Variants in LTBP1 observed in about 807,000 individuals in gnomAD.
The protein encoded by LTBP1 is latent transforming growth factor beta binding protein 1.
LTBP1 carries 129 observed loss-of-function variants against 207.6 expected under a neutral mutation model. The ratio of observed to expected loss-of-function variants is 0.62; its 90% confidence interval spans 0.54 to 0.72. The LOEUF (loss-of-function observed/expected upper bound fraction) is 0.72. Among genes scored for constraint, LTBP1 ranks in the 30% least tolerant of loss-of-function variants. The pLI, the probability that LTBP1 is intolerant of heterozygous loss-of-function variation, is 0.00. For missense variants in LTBP1, 2,281 were observed against 2,217.2 expected (o/e 1.03, Z -0.58); for synonymous variants, 963 against 833.7 (o/e 1.16, Z -2.67).
At chr2:33,085,764 G>C in intron 3 of LTBP1, among the ~76,000 whole-genome samples, 1 of 152,206 alleles carries the variant, frequency 6.6e-6, no homozygotes, top group East Asian at 1.9e-4. Flanking sequence ...TGTGTTCTTA[G>C]CTATGTTGCT....
chr2:33,346,286 A>T (rs1409684719), intron 25 of LTBP1, among the ~76,000 whole-genome samples: 2 of 152,232 alleles, frequency 1.3e-5, no homozygotes, highest in Non-Finnish European at 2.9e-5. Flanking sequence ...TTTGGCTACC[A>T]GAGAACTGTA....
At chr2:33,364,439 A>G in intron 30 of LTBP1, 83 bp downstream of exon 30, 1 of 1,366,080 alleles carries the variant, frequency 7.3e-7, no homozygotes, top group Non-Finnish European at 9.9e-7. Flanking sequence ...CTATTGGAAA[A>G]TAGAAAAATG....
chr2:33,135,107 T>A, intron 5 of LTBP1, 147 bp downstream of exon 5: 1 of 863,942 alleles, frequency 1.2e-6, no homozygotes. Context: ...TGGGATCTTT[T>A]AAATTGCTTT....
intron 20 of LTBP1, among the ~76,000 whole-genome samples, chr2:33,295,785 G>A (rs182746648): frequency 6.6e-6 from 1 of 152,268 alleles, no homozygotes; most frequent in African/African-American, 2.4e-5. Flanking sequence ...TGTAAGTGAA[G>A]GATGTAGGGT....
chr2:33,006,943 C>T (rs1686984559), intron 2 of LTBP1, among the ~76,000 whole-genome samples: 1 of 152,176 alleles, frequency 6.6e-6, no homozygotes, highest in Non-Finnish European at 1.5e-5. Flanking sequence ...CACAGTGAGG[C>T]TTCAACTGCT....
chr2:33,117,929 A>G (rs2080852783), intron 4 of LTBP1, among the ~76,000 whole-genome samples: 1 of 152,170 alleles, frequency 6.6e-6, no homozygotes, highest in Non-Finnish European at 1.5e-5. Context: ...TTGTGGCCTT[A>G]ATGTCGATGT....
rs181834140 is a variant in LTBP1, at chr2:33,271,686, A to G, written c.2618-1970A>G. Among the ~76,000 whole-genome samples, 6 of 152,354 alleles carry G rather than the reference A, an allele frequency of 3.9e-5. No homozygotes were observed. The South Asian group carries it at 1.0e-3, about 26-fold the overall frequency. ...GAAGAAAATGCTAATCCTAAAAACC[A>G]TAAAACTTGGATCTACTTCCCTCCA... On this transcript the variant is annotated intron_variant, in intron 15 of 33. Transcript: ENST00000404816.
At chr2:33,084,155 T>A (rs1053315685) in intron 3 of LTBP1, among the ~76,000 whole-genome samples, 4 of 152,182 alleles carry the variant, frequency 2.6e-5, no homozygotes, top group Admixed American at 2.6e-4. Context: ...AAGGCTTTTG[T>A]GGGATAAAAA....
intron 4 of LTBP1, among the ~76,000 whole-genome samples, chr2:33,130,345 A>G (rs895083893): frequency 6.6e-6 from 1 of 152,154 alleles, no homozygotes; most frequent in African/African-American, 2.4e-5. Flanking sequence ...TTTAAGTTGG[A>G]TGCACGCTAA....
intron 5 of LTBP1, among the ~76,000 whole-genome samples, chr2:33,181,683 C>G (rs537473439): frequency 6.6e-6 from 1 of 152,330 alleles, no homozygotes; most frequent in African/African-American, 2.4e-5. Context: ...TCTCAGCCAG[C>G]ATTCTGCAGT....
chr2:33,325,490 A>C (rs2094414992), intron 24 of LTBP1, among the ~76,000 whole-genome samples: 1 of 152,198 alleles, frequency 6.6e-6, no homozygotes, highest in South Asian at 2.1e-4. Flanking sequence ...GAAAAGAGAA[A>C]GCGTACAGCA....
chr2:33,156,725 A>G (rs1224866193), intron 5 of LTBP1, among the ~76,000 whole-genome samples: 2 of 152,120 alleles, frequency 1.3e-5, no homozygotes, highest in African/African-American at 4.8e-5. Flanking sequence ...ATATTTTAAC[A>G]TATTATAAAA....
intron 7 of LTBP1, among the ~76,000 whole-genome samples, chr2:33,201,870 T>C (rs2089323895): frequency 6.6e-6 from 1 of 152,168 alleles, no homozygotes; most frequent in Non-Finnish European, 1.5e-5. Context: ...TGGGATTCTG[T>C]TAGAGATGCC....
At chr2:33,092,181 A>C (rs1431122039) in intron 3 of LTBP1, among the ~76,000 whole-genome samples, 1 of 144,158 alleles carries the variant, frequency 6.9e-6, no homozygotes, top group African/African-American at 2.4e-5. Context: ...GTGCGCATGC[A>C]CACACACACA....
intron 3 of LTBP1, among the ~76,000 whole-genome samples, chr2:33,050,215 C>A (rs2076660482): frequency 7.2e-6 from 1 of 139,386 alleles, no homozygotes. Flanking sequence ...GGTCTACAGA[C>A]AAAAACCTGC....
At chr2:33,149,426 C>A (rs2083340535) in intron 5 of LTBP1, among the ~76,000 whole-genome samples, 1 of 152,090 alleles carries the variant, frequency 6.6e-6, no homozygotes, top group African/African-American at 2.4e-5. Flanking sequence ...AACCCTCCCT[C>A]TTAATCTCAA....
At chr2:33,325,823 G>A (rs1174968207) in intron 24 of LTBP1, among the ~76,000 whole-genome samples, 2 of 152,080 alleles carry the variant, frequency 1.3e-5, no homozygotes, top group Non-Finnish European at 2.9e-5. Context: ...ATAGTAAACT[G>A]TAATTCTTTA....
intron 19 of LTBP1, among the ~76,000 whole-genome samples, chr2:33,291,317 A>G (rs374832541): frequency 6.6e-6 from 1 of 152,234 alleles, no homozygotes; most frequent in Non-Finnish European, 1.5e-5. Flanking sequence ...TTTTGCTGTT[A>G]TATTCTACAG....
At chr2:33,397,609 G>A (rs111497574) in intron 33 of LTBP1, among the ~76,000 whole-genome samples, 2,423 of 145,318 alleles carry the variant, frequency 0.017, 57 homozygotes, top group Middle Eastern at 0.076. Flanking sequence ...CCAGGTTCAA[G>A]CAATGCTCCT....
Sources: gnomAD v4.1 joint callset for allele counts (sites outside exome capture counted in the v4.1 genomes callset) on GRCh38, gnomAD v4.1.1 for gene constraint, MANE v1.5 for transcripts, NCBI Gene and HGNC (gene_info 2026-07-23, HGNC 2026-07-21) for gene names.